The following SMAD2 variants were observed in gnomAD, a reference collection of about 807,000 sequenced individuals.
SMAD2 encodes the protein MAD homolog 2.
SMAD2 carries 8 observed loss-of-function variants against 64.4 expected under a neutral mutation model. That is an observed-to-expected ratio of 0.12 (90% CI 0.07 to 0.22). SMAD2 has a LOEUF of 0.22. Among genes scored for constraint, SMAD2 ranks in the 10% least tolerant of loss-of-function variants. SMAD2 has a pLI of 1.00. For synonymous variants in SMAD2, 203 were observed against 195.8 expected, an observed-to-expected ratio of 1.04 and a Z score of -0.31; for missense variants, 289 against 561.2, an observed-to-expected ratio of 0.51 and a Z score of 4.90.
chr18:47,885,118 T>A (rs2032814673), intron 2 of SMAD2, among the ~76,000 whole-genome samples: 1 of 149,684 alleles, frequency 6.7e-6, no homozygotes, highest in Non-Finnish European at 1.5e-5. Context: ...ATCGATTTTC[T>A]AGATTTAGTC....
chr18:47,814,234 G>A lies in SMAD2; in HGVS notation c.*27593C>T, dbSNP rs897155271. 6.6e-6 allele frequency: 1 copy of A among 152,268 alleles called. No individual in the cohort carries two copies. The highest frequency in any genetic ancestry group is 2.1e-4 in the South Asian group (1 of 4,820). The allele number at this position is 152,268 out of a possible 1,614,324, so 9.4% of individuals were successfully genotyped here. ...AAGCCCTGAAGCCTGACAGTCACAG[G>A]AAAGGAGAGGGTGTGTACTAGAGTA... On this transcript the variant is annotated 3_prime_UTR_variant, in exon 11 of 11. Transcript: ENST00000262160.
At chr18:47,857,104 G>T (rs147331930) in intron 6 of SMAD2, among the ~76,000 whole-genome samples, 1 of 151,968 alleles carries the variant, frequency 6.6e-6, no homozygotes, top group African/African-American at 2.4e-5. Flanking sequence ...TGATCCGCCC[G>T]CCTCGGCCTC....
intron 1 of SMAD2, among the ~76,000 whole-genome samples, chr18:47,924,464 T>C (rs182564701): frequency 1.3e-3 from 194 of 150,358 alleles, no homozygotes; most frequent in African/African-American, 4.7e-3. Context: ...TTTTCTTTTT[T>C]TTCTTTTTTT....
chr18:47,909,859 G>A (rs1427628091), intron 1 of SMAD2, among the ~76,000 whole-genome samples: 6 of 152,128 alleles, frequency 3.9e-5, no homozygotes, highest in Non-Finnish European at 8.8e-5. Flanking sequence ...ATATGTCAAA[G>A]TGATCTACTT....
intron 6 of SMAD2, among the ~76,000 whole-genome samples, chr18:47,852,213 AG>A (rs2030175864): frequency 6.6e-6 from 1 of 152,114 alleles, no homozygotes; most frequent in Non-Finnish European, 1.5e-5. Flanking sequence ...TTATGGTATG[AG>A]CTACAAATAT....
rs566990509 is a variant in SMAD2, at chr18:47,896,806, G to A, written c.-50C>T. On this transcript the variant is annotated 5_prime_UTR_variant, in exon 2 of 11. Coordinates refer to ENST00000262160, the MANE Select transcript of SMAD2 (RefSeq NM_005901.6). ...CGCTAGGAAAACAGCCTCTTGTATC[G>A]AACCTAGCAGAAATATTGAAAGGAT... is the stretch of plus-strand genomic sequence containing the variant. The A allele has an allele frequency of 2.6e-5, 41 of 1,582,470 alleles. No homozygotes were observed. The highest frequency in any genetic ancestry group is 9.4e-5 in the African/African-American group (7 of 74,168).
intron 1 of SMAD2, among the ~76,000 whole-genome samples, chr18:47,927,158 T>G (rs1181242052): frequency 1.3e-5 from 2 of 152,204 alleles, no homozygotes; most frequent in African/African-American, 4.8e-5. Context: ...GGGCAATAAG[T>G]GATCAAATTA....
rs1292217688 is a variant in SMAD2 at position 47,826,621 on chromosome 18, C to T, written c.*15206G>A. On this transcript the variant is annotated 3_prime_UTR_variant, in exon 11 of 11. Transcript: ENST00000262160. ...GGAAAGACTACAACTGCTCCAGAGA[C>T]ATCTAGCCGAAATCACTTATCTAAT... The T allele has an allele frequency of 6.6e-6, 1 of 152,234 alleles. No homozygotes were observed. The highest frequency in any genetic ancestry group is 1.5e-5 in the Non-Finnish European group (1 of 68,046). 9.4% of individuals were successfully genotyped at this position (152,234 alleles called of 1,614,324 possible).
chr18:47,815,686 G>C lies in SMAD2; in HGVS notation c.*26141C>G, dbSNP rs888615163. ...GCAAATGGAGGGGTGATTTAGTAAG[G>C]AGGGGGTGAAACCGAAAATCAACAA... On this transcript the variant is annotated 3_prime_UTR_variant, in exon 11 of 11. Transcript: ENST00000262160. 1 of 152,294 alleles carries C rather than the reference G, an allele frequency of 6.6e-6. No individual in the cohort carries two copies. Among genetic ancestry groups the C allele is most frequent in the East Asian group, 1.9e-4 (1 of 5,200 alleles). 9.4% of individuals were successfully genotyped at this position (152,294 alleles called of 1,614,324 possible).
At position 47,836,521 on chromosome 18, in the gene SMAD2, A is replaced by G; in HGVS notation, c.*5306T>C. On this transcript the variant is annotated 3_prime_UTR_variant, in exon 11 of 11. Transcript: ENST00000262160. ...GAAAATGTACACAGACAAATTAAGAACATTTTACCAGGATCTGAGATTTAA... is the reference window on the plus strand; with the variant it reads ...GAAAATGTACACAGACAAATTAAGAGCATTTTACCAGGATCTGAGATTTAA... The G allele has an allele frequency of 1.8e-5, 4 of 218,082 alleles. No individual in the cohort carries two copies. Among genetic ancestry groups the G allele is most frequent in the Non-Finnish European group, 3.7e-5 (4 of 108,596 alleles). The allele number at this position is 218,082 out of a possible 1,614,324, so 13.5% of individuals were successfully genotyped here.
At chr18:47,926,297 T>C (rs547647332) in intron 1 of SMAD2, among the ~76,000 whole-genome samples, 7 of 152,376 alleles carry the variant, frequency 4.6e-5, no homozygotes, top group African/African-American at 9.6e-5. Context: ...ACGTAGATTA[T>C]TGCACTCTTA....
chr18:47,832,841 T>C lies in SMAD2; in HGVS notation c.*8986A>G, dbSNP rs1913057633. On this transcript the variant is annotated 3_prime_UTR_variant, in exon 11 of 11. Coordinates refer to ENST00000262160, the MANE Select transcript of SMAD2 (RefSeq NM_005901.6). The stretch of plus-strand genomic sequence containing the variant: ...AAAATGTATAAATAGCACTGTGCAG[T>C]GTGTGGTGTGCGCCTGTTGTGGGGT... 6.5e-6 allele frequency: 1 copy of C among 153,086 alleles called. No homozygotes were observed. Among genetic ancestry groups the C allele is most frequent in the Non-Finnish European group, 1.5e-5 (1 of 68,620 alleles). 9.5% of individuals were successfully genotyped at this position (153,086 alleles called of 1,614,324 possible).
Position 47,839,910 on chromosome 18 carries a change from CATCT to C in SMAD2, c.*1913_*1916del. 4.3e-6 allele frequency: 1 copy of C among 233,166 alleles called. No homozygotes were observed. The highest frequency in any genetic ancestry group is 8.5e-6 in the Non-Finnish European group (1 of 118,040). 14.4% of individuals were successfully genotyped at this position (233,166 alleles called of 1,614,324 possible). A position where few individuals can be genotyped will look rare whatever the true frequency, so the allele number is the denominator to read the frequency against. On this transcript the variant is annotated 3_prime_UTR_variant, in exon 11 of 11. Coordinates refer to ENST00000262160, the MANE Select transcript of SMAD2 (RefSeq NM_005901.6). ...CCTTGATGTCCTACCTGAAGCATCC[CATCT>C]GTTATTCTCCAGTACAGTACCCTGT...
intron 7 of SMAD2, among the ~76,000 whole-genome samples, chr18:47,850,249 TATATATTATGTATA>T (rs1212156408): frequency 2.5e-5 from 2 of 78,744 alleles, no homozygotes; most frequent in Non-Finnish European, 4.3e-5. Flanking sequence ...TTATATATTA[TATATATTATGTATA>T]ATATATATTA....
chr18:47,897,810 G>A (rs2033507393), intron 1 of SMAD2, among the ~76,000 whole-genome samples: 1 of 152,088 alleles, frequency 6.6e-6, no homozygotes, highest in African/African-American at 2.4e-5. Flanking sequence ...CGCTCCAGAA[G>A]CTCTTAATAT....
chr18:47,873,402 T>A (rs1305057931), intron 2 of SMAD2, among the ~76,000 whole-genome samples: 2 of 152,190 alleles, frequency 1.3e-5, no homozygotes, highest in Non-Finnish European at 2.9e-5. Context: ...ATTTATATAT[T>A]TGATGCAATC....
chr18:47,919,014 C>CA (rs1304238921), intron 1 of SMAD2, among the ~76,000 whole-genome samples: 3 of 151,878 alleles, frequency 2.0e-5, no homozygotes. Context: ...CAGATGAAAA[C>CA]AAACCTACAT....
In SMAD2 at chr18:47,835,742, C is replaced by T. The variant is rs116320258; in HGVS notation, c.*6085G>A. ...ATGGAAAATATATAATATTTAAGTA[C>T]TTTTATAATTCTAAAACTTCACTTT... On this transcript the variant is annotated 3_prime_UTR_variant, in exon 11 of 11. Transcript: ENST00000262160. The T allele has an allele frequency of 0.014, 2,725 of 188,912 alleles. 68 individuals are homozygous for T. The highest frequency in any genetic ancestry group is 0.059 in the African/African-American group (2,512 of 42,906). The allele number at this position is 188,912 out of a possible 1,614,324, so 11.7% of individuals were successfully genotyped here.
At chr18:47,909,833 A>G (rs1188186796) in intron 1 of SMAD2, among the ~76,000 whole-genome samples, 1 of 152,174 alleles carries the variant, frequency 6.6e-6, no homozygotes, top group Non-Finnish European at 1.5e-5. Context: ...CCACAATCCC[A>G]TGATTCCAAC....
Sources: allele counts gnomAD v4.1 joint callset (sites outside exome capture counted in the v4.1 genomes callset), GRCh38; gene constraint gnomAD v4.1.1; transcripts MANE v1.5; gene names NCBI Gene and HGNC (gene_info 2026-07-23, HGNC 2026-07-21).